Variants in CSNK1G3 observed in about 807,000 individuals in gnomAD.
CSNK1G3 encodes the protein casein kinase I isoform gamma-3.
In CSNK1G3, 23 loss-of-function variants were observed where a neutral mutation model predicts 64.3. The observed-to-expected ratio is 0.36, with a 90% CI of 0.26 to 0.51. The LOEUF (loss-of-function observed/expected upper bound fraction) is 0.51. CSNK1G3 is among the 20% of genes least tolerant of loss of function. The pLI is 0.96. For missense variants in CSNK1G3, 357 were observed against 510.5 expected (o/e 0.70, Z 2.90); for synonymous variants, 158 against 162.2 (o/e 0.97, Z 0.20).
chr5:123,528,578 G>T (rs1174275911), intron 1 of CSNK1G3, among the ~76,000 whole-genome samples: 2 of 152,102 alleles, frequency 1.3e-5, no homozygotes, highest in African/African-American at 4.8e-5. Flanking sequence ...TCGGTAGTGA[G>T]GTGTAGAGGT....
chr5:123,578,258 A>T (rs1049517483), intron 6 of CSNK1G3, among the ~76,000 whole-genome samples: 1 of 151,878 alleles, frequency 6.6e-6, no homozygotes, highest in African/African-American at 2.4e-5. Context: ...AGGAGTGTTC[A>T]TACCTTTTTT....
At chr5:123,537,438 G>A (rs1438457498) in intron 1 of CSNK1G3, among the ~76,000 whole-genome samples, 1 of 151,908 alleles carries the variant, frequency 6.6e-6, no homozygotes, top group Non-Finnish European at 1.5e-5. Context: ...GTGAGGGGGT[G>A]GGAGGGAGTG....
chr5:123,516,941 AAAAG>A (rs1270082467), intron 1 of CSNK1G3, among the ~76,000 whole-genome samples: 1 of 152,216 alleles, frequency 6.6e-6, no homozygotes, highest in Non-Finnish European at 1.5e-5. Context: ...CATTTGGAAA[AAAAG>A]GGAAGAGAGT....
chr5:123,569,891 T>C (rs1489014257), intron 4 of CSNK1G3, among the ~76,000 whole-genome samples: 1 of 152,200 alleles, frequency 6.6e-6, no homozygotes, highest in Non-Finnish European at 1.5e-5. Context: ...ATTCCCTTTA[T>C]CAGATTTAGA....
intron 5 of CSNK1G3, among the ~76,000 whole-genome samples, chr5:123,574,201 G>C (rs930066308): frequency 2.0e-5 from 3 of 152,096 alleles, no homozygotes; most frequent in East Asian, 1.9e-4. Flanking sequence ...GGAAAAACAA[G>C]AGGCAGACTA....
At chr5:123,585,197 A>G (rs1791084985) in intron 6 of CSNK1G3, among the ~76,000 whole-genome samples, 1 of 152,174 alleles carries the variant, frequency 6.6e-6, no homozygotes. Flanking sequence ...AATGGTGCAA[A>G]AGCAACTCGA....
chr5:123,532,578 A>T (rs1423782808), intron 1 of CSNK1G3, among the ~76,000 whole-genome samples: 3 of 151,884 alleles, frequency 2.0e-5, no homozygotes, highest in African/African-American at 7.2e-5. Context: ...GAAAATTCTC[A>T]GGAAGTGTAT....
chr5:123,515,847 T>A (rs2149890234), intron 1 of CSNK1G3, among the ~76,000 whole-genome samples: 1 of 152,320 alleles, frequency 6.6e-6, no homozygotes, highest in South Asian at 2.1e-4. Flanking sequence ...ATTAAGTGCC[T>A]ACTTTGTATA....
At chr5:123,545,591 T>G (rs1581035916) in exon 2 of CSNK1G3, 1 of 1,259,606 alleles carries the variant, frequency 7.9e-7, no homozygotes, top group East Asian at 2.5e-5. Flanking sequence ...GTGATGTACC[T>G]ATTTTCACAA....
At chr5:123,534,404 T>G (rs1443132691) in intron 1 of CSNK1G3, among the ~76,000 whole-genome samples, 1 of 152,106 alleles carries the variant, frequency 6.6e-6, no homozygotes, top group Non-Finnish European at 1.5e-5. Context: ...GGAGAATTGG[T>G]GTGTTGGAGC....
In CSNK1G3 at chr5:123,588,524, G is replaced by T. The variant is rs1791738840; in HGVS notation, c.844+13G>T. 2 of 1,526,248 alleles carry T rather than the reference G, an allele frequency of 1.3e-6. No individual in the cohort carries two copies. Among genetic ancestry groups the T allele is most frequent in the Non-Finnish European group, 1.8e-6 (2 of 1,100,826 alleles). The allele number at this position is 1,526,248 out of a possible 1,614,324, so 94.5% of individuals were successfully genotyped here. On this transcript the variant is annotated intron_variant, in intron 8 of 12. Coordinates refer to ENST00000345990, the Ensembl canonical transcript of CSNK1G3. ...GAAAATTTTCCAGGTAATGAATAAT[G>T]TGAGGTTGATACATTATATACAGAA...
At chr5:123,612,213 T>A (rs1403135177) in intron 12 of CSNK1G3, among the ~76,000 whole-genome samples, 1 of 152,194 alleles carries the variant, frequency 6.6e-6, no homozygotes, top group Admixed American at 6.5e-5. Context: ...CACGGTCTAG[T>A]CGGTGTTTAC....
chr5:123,547,152 T>G (rs1782672549), intron 2 of CSNK1G3, among the ~76,000 whole-genome samples: 1 of 152,152 alleles, frequency 6.6e-6, no homozygotes, highest in Admixed American at 6.6e-5. Flanking sequence ...ATTGATAATA[T>G]GCTGGTAAAA....
In CSNK1G3 at chr5:123,616,410, C is replaced by T. The variant is rs191127691; in HGVS notation, c.*2014C>T. On this transcript the variant is annotated 3_prime_UTR_variant, in exon 13 of 13. Coordinates refer to ENST00000345990, the Ensembl canonical transcript of CSNK1G3. Reference sequence around the variant, plus strand: ...TTGGATTGTACAGTGTTTATATGATCTGAACTCCTTATACATAAGAAGGTG... The same window carrying T: ...TTGGATTGTACAGTGTTTATATGATTTGAACTCCTTATACATAAGAAGGTG... The T allele has an allele frequency of 7.2e-5, 11 of 152,576 alleles. No individual in the cohort carries two copies. The East Asian group carries it at 1.9e-3, about 27-fold the overall frequency. 9.5% of individuals were successfully genotyped at this position (152,576 alleles called of 1,614,324 possible).
intron 1 of CSNK1G3, among the ~76,000 whole-genome samples, chr5:123,527,913 T>C (rs1032425967): frequency 1.3e-5 from 2 of 152,178 alleles, no homozygotes; most frequent in Non-Finnish European, 2.9e-5. Flanking sequence ...AAATCTTTTC[T>C]TGTTAGTTTA....
At chr5:123,525,472 C>T (rs1358942922) in intron 1 of CSNK1G3, among the ~76,000 whole-genome samples, 3 of 151,812 alleles carry the variant, frequency 2.0e-5, no homozygotes, top group African/African-American at 2.4e-5. Context: ...CACCACGCCC[C>T]GCTAGTTTTT....
chr5:123,575,097 TGAGA>T (rs1038674652), intron 5 of CSNK1G3, among the ~76,000 whole-genome samples: 2 of 152,178 alleles, frequency 1.3e-5, no homozygotes, highest in African/African-American at 2.4e-5. Context: ...CAATGAACAT[TGAGA>T]ATCTGTAAAA....
intron 1 of CSNK1G3, among the ~76,000 whole-genome samples, chr5:123,533,139 C>CT (rs1580945908): frequency 1.3e-5 from 2 of 151,938 alleles, no homozygotes; most frequent in African/African-American, 4.8e-5. Context: ...TCTTACATCT[C>CT]TATTTCTTGT....
chr5:123,575,027 T>A (rs1056044518), intron 5 of CSNK1G3, among the ~76,000 whole-genome samples: 5 of 152,212 alleles, frequency 3.3e-5, no homozygotes, highest in African/African-American at 1.2e-4. Context: ...ACCATGATTA[T>A]CACTAAATGA....
Sources: gnomAD v4.1 joint callset for allele counts (sites outside exome capture counted in the v4.1 genomes callset) on GRCh38, gnomAD v4.1.1 for gene constraint, MANE v1.5 for transcripts, NCBI Gene and HGNC (gene_info 2026-07-23, HGNC 2026-07-21) for gene names.